ADHFE1: variants seen among roughly 807,000 people sequenced by gnomAD.
ADHFE1 encodes alcohol dehydrogenase iron containing 1.
In ADHFE1, 37 loss-of-function variants were observed where a neutral mutation model predicts 54.8. The observed-to-expected ratio is 0.68, with a 90% CI of 0.52 to 0.89. The LOEUF (loss-of-function observed/expected upper bound fraction) is 0.89, where lower values mean the gene tolerates loss of function less well. Among genes scored for constraint, ADHFE1 ranks in the 40% least tolerant of loss-of-function variants. ADHFE1 has a pLI of 0.00. For synonymous variants in ADHFE1, 203 were observed against 229.3 expected, an observed-to-expected ratio of 0.89 and a Z score of 1.04; for missense variants, 601 against 591.2, an observed-to-expected ratio of 1.02 and a Z score of -0.17.
chr8:66,465,165 G>GC (rs1212337966), intron 13 of ADHFE1, among the ~76,000 whole-genome samples: 5 of 152,160 alleles, frequency 3.3e-5, no homozygotes, highest in Non-Finnish European at 7.3e-5. Context: ...TATGAATAAT[G>GC]CTGCGATGAA....
intron 1 of ADHFE1, among the ~76,000 whole-genome samples, chr8:66,436,159 A>C (rs546038561): frequency 1.7e-4 from 26 of 152,112 alleles, no homozygotes; most frequent in African/African-American, 6.0e-4. Context: ...CAGGTGATCC[A>C]CCAGCCTCAG....
chr8:66,439,518 G>C lies in ADHFE1; in HGVS notation c.60-644G>C. 1.0e-6 allele frequency: 1 copy of C among 985,700 alleles called. No homozygotes were observed. The highest frequency in any genetic ancestry group is 1.2e-6 in the Non-Finnish European group (1 of 830,084). 61.1% of individuals were successfully genotyped at this position (985,700 alleles called of 1,614,324 possible). ...GAAGTCGACCGAGAAGTGAGATGCG[G>C]TGGCGACCTCGGAGCGCACCGGGTG... On this transcript the variant is annotated intron_variant, in intron 1 of 13. Transcript: ENST00000396623. The surrounding 1 kb of genome is among the most constrained non-coding windows in gnomAD (Gnocchi z 4.4).
chr8:66,464,377 C>T (rs1311365051), intron 13 of ADHFE1, among the ~76,000 whole-genome samples: 3 of 152,128 alleles, frequency 2.0e-5, no homozygotes, highest in East Asian at 1.9e-4. Context: ...AGTCCTGCAC[C>T]GCTCCACCAA....
At chr8:66,438,305 G>A (rs944656348) in intron 1 of ADHFE1, among the ~76,000 whole-genome samples, 1 of 152,156 alleles carries the variant, frequency 6.6e-6, no homozygotes, top group African/African-American at 2.4e-5. Context: ...CATGTTTGAG[G>A]CCTTGGTGCA....
chr8:66,450,725 G>A (rs57217048), intron 8 of ADHFE1, among the ~76,000 whole-genome samples: 15,203 of 152,250 alleles, frequency 0.1, 855 homozygotes, highest in East Asian at 0.25. Context: ...ATCTGATGCA[G>A]TCTAAATGTG....
Position 66,468,396 on chromosome 8 carries a change from T to C in ADHFE1, c.*44T>C, listed in dbSNP as rs556824728. On this transcript the variant is annotated 3_prime_UTR_variant, in exon 14 of 14. Transcript: ENST00000396623. ...GAATTACCGCTGGCCATTGTAGTGC[T>C]GAGAGCAAGAGCTGATCTAGCTAGG... 22 of 1,533,062 alleles carry C rather than the reference T, an allele frequency of 1.4e-5. No homozygotes were observed. The South Asian group carries it at 2.2e-4, about 15-fold the overall frequency. 95.0% of individuals were successfully genotyped at this position (1,533,062 alleles called of 1,614,324 possible). A position where few individuals can be genotyped will look rare whatever the true frequency, so the allele number is the denominator to read the frequency against.
chr8:66,460,474 C>T lies in ADHFE1; in HGVS notation c.1320+9C>T, dbSNP rs773665578. ...AAGGAACGCTGCCCCAGGTAAGAGA[C>T]CGGCAGGCTCCTCACTCCCTGCGAA... On this transcript the variant is annotated intron_variant, in intron 13 of 13. Coordinates refer to ENST00000396623, the MANE Select transcript of ADHFE1 (RefSeq NM_144650.3). The T allele has an allele frequency of 5.4e-5, 84 of 1,565,236 alleles. No homozygotes were observed. In the East Asian group the frequency reaches 1.9e-3, roughly 35 times the overall value.
Position 66,445,125 on chromosome 8 carries a change from A to C in ADHFE1, c.354-93A>C, listed in dbSNP as rs533987649. On this transcript the variant is annotated intron_variant, in intron 5 of 13. Coordinates refer to ENST00000396623, the MANE Select transcript of ADHFE1 (RefSeq NM_144650.3). ...CAAAAAAAAAACAAAAACAAAAAAA[A>C]CCCCACAAAACTTACCCCAAGCCTT... 54 of 1,257,292 alleles carry C rather than the reference A, an allele frequency of 4.3e-5. No homozygotes were observed. The East Asian group carries it at 7.7e-4, about 18-fold the overall frequency. 77.9% of individuals were successfully genotyped at this position (1,257,292 alleles called of 1,614,324 possible).
Position 66,444,372 on chromosome 8 carries a change from T to A in ADHFE1, c.150T>A (p.Ala50=), listed in dbSNP as rs765609689. 6.2e-7 allele frequency: 1 copy of A among 1,614,172 alleles called. No individual in the cohort carries two copies. Among genetic ancestry groups the A allele is most frequent in the Non-Finnish European group, 8.5e-7 (1 of 1,180,012 alleles). Residue 50 remains alanine (A), a synonymous_variant, in exon 4 of 14, where the codon GCT becomes GCA. Coordinates refer to ENST00000396623, the MANE Select transcript of ADHFE1 (RefSeq NM_144650.3). ...AACCTTTTTATTTTTTTCAGATGGC[T>A]GTTTCAAATATTAGATATGGAGCAG... ...GKTTDYAFEM[A]VSNIRYGAAV...
intron 13 of ADHFE1, among the ~76,000 whole-genome samples, chr8:66,467,239 A>C (rs962282274): frequency 1.3e-5 from 2 of 152,256 alleles, no homozygotes; most frequent in Middle Eastern, 3.4e-3. Context: ...TGATGAGTTG[A>C]ACTTGCAGAG....
At chr8:66,448,831 G>A (rs369269266) in intron 7 of ADHFE1, 34 bp from the exon 8 acceptor site, 15 of 1,569,400 alleles carry the variant, frequency 9.6e-6, no homozygotes, top group Middle Eastern at 1.7e-4. Context: ...GATGCCCATG[G>A]CTTTAGCCTC....
intron 12 of ADHFE1, among the ~76,000 whole-genome samples, chr8:66,458,192 G>A (rs183141310): frequency 2.0e-5 from 3 of 152,242 alleles, no homozygotes; most frequent in East Asian, 1.9e-4. Flanking sequence ...ATCTTATTCC[G>A]CCACTTGTGT....
At chr8:66,453,941 T>TC in intron 9 of ADHFE1, 118 bp from the exon 10 acceptor site, 1 of 1,532,056 alleles carries the variant, frequency 6.5e-7, no homozygotes, top group Non-Finnish European at 8.8e-7. Flanking sequence ...GCCTGATTTT[T>TC]CTTCCTACCG....
chr8:66,452,880 C>T (rs1046154215), intron 9 of ADHFE1, among the ~76,000 whole-genome samples: 3 of 152,218 alleles, frequency 2.0e-5, no homozygotes, highest in Admixed American at 6.5e-5. Flanking sequence ...TACTCAAAGT[C>T]AGACTCACGT....
chr8:66,453,914 C>A, intron 9 of ADHFE1, 145 bp from the exon 10 acceptor site: 1 of 1,517,998 alleles, frequency 6.6e-7, no homozygotes, highest in Non-Finnish European at 8.8e-7. Flanking sequence ...GAAGACAAGG[C>A]GTCGTTTGAA....
intron 1 of ADHFE1, 147 bp from the exon 2 acceptor site, chr8:66,440,015 T>A (rs964504854): frequency 1.8e-4 from 143 of 803,976 alleles, no homozygotes; most frequent in Non-Finnish European, 2.6e-4. Context: ...CTATATATAT[T>A]TTTTCTATTG....
At chr8:66,447,081 A>C (rs957653969) in intron 6 of ADHFE1, among the ~76,000 whole-genome samples, 183 bp from the exon 7 acceptor site, 3 of 152,220 alleles carry the variant, frequency 2.0e-5, no homozygotes, top group African/African-American at 7.2e-5. Context: ...CATACATATT[A>C]ATGCAGACAC....
chr8:66,432,543 C>G lies in ADHFE1; in HGVS notation c.27C>G (p.Val9=), dbSNP rs759041339. Residue 9 remains valine, a synonymous_variant, in exon 1 of 14, where the codon GTC becomes GTG. Coordinates refer to ENST00000396623, the MANE Select transcript of ADHFE1 (RefSeq NM_144650.3). MAAAARAR[V]AYLLRQLQRA... ...TGGCCGCTGCCGCCCGAGCCCGGGTCGCGTACTTGCTGAGGCAACTGCAAC... is the reference window on the plus strand; with the variant it reads ...TGGCCGCTGCCGCCCGAGCCCGGGTGGCGTACTTGCTGAGGCAACTGCAAC... The G allele has an allele frequency of 5.9e-6, 8 of 1,356,424 alleles. No individual in the cohort carries two copies. In the African/African-American group the frequency reaches 9.0e-5, roughly 15 times the overall value. 84.0% of individuals were successfully genotyped at this position (1,356,424 alleles called of 1,614,324 possible).
In ADHFE1 at chr8:66,439,617, G is replaced by A. The variant is rs1805642586; in HGVS notation, c.60-545G>A. ...AGCTCGGAGCCCGGGGCTGCAACTG[G>A]GCAGAGAAAGATGGGGACCAGGGAG... On this transcript the variant is annotated intron_variant, in intron 1 of 13. Transcript: ENST00000396623. The surrounding 1 kb of genome is among the most constrained non-coding windows in gnomAD (Gnocchi z 4.4). The A allele has an allele frequency of 1.0e-6, 1 of 985,966 alleles. No homozygotes were observed. 61.1% of individuals were successfully genotyped at this position (985,966 alleles called of 1,614,324 possible). A position where few individuals can be genotyped will look rare whatever the true frequency, so the allele number is the denominator to read the frequency against.
Sources: allele counts gnomAD v4.1 joint callset (sites outside exome capture counted in the v4.1 genomes callset), GRCh38; gene constraint gnomAD v4.1.1; non-coding constraint Gnocchi (gnomAD v3.1); transcripts MANE v1.5; gene names NCBI Gene and HGNC (gene_info 2026-07-23, HGNC 2026-07-21).